Variants in PLXNB3 observed in about 807,000 individuals in gnomAD.
PLXNB3 encodes the protein plexin-B3.
A neutral mutation model predicts 125.7 loss-of-function variants in PLXNB3; 80 were observed. The observed-to-expected ratio is 0.64, with a 90% CI of 0.53 to 0.77. PLXNB3 has a LOEUF of 0.77. Ranked by LOEUF, PLXNB3 falls within the 30% of genes least tolerant of loss-of-function variation. PLXNB3 has a pLI of 0.00. For synonymous variants in PLXNB3, 954 were observed against 783.3 expected (o/e 1.22, Z -3.64); for missense variants, 1,836 against 1,729.3 (o/e 1.06, Z -1.09).
In PLXNB3 at chrX:153,769,076, G is replaced by C; in HGVS notation, c.1395G>C (p.Gln465His). Residue 465 changes from glutamine (Q) to histidine (H), a missense_variant and splice_region_variant, in exon 5 of 36, where the codon CAG (glutamine) becomes CAC (histidine). Gln to His is a conservative substitution (Grantham distance 24, BLOSUM62 0). Transcript: ENST00000361971. The part of the protein sequence containing the change: ...GSHLYVLTAH[Q>H]VDRIPVAACP... ...ACCTCTATGTCCTGACTGCCCACCA[G>C]GTGAGGGCCATCCTGGGGCTGAAGG... The C allele has an allele frequency of 8.3e-7, 1 of 1,208,679 alleles. No individual in the cohort carries two copies. Among genetic ancestry groups the C allele is most frequent in the Non-Finnish European group, 1.1e-6 (1 of 893,293 alleles).
At chrX:153,777,832 G>A in intron 31 of PLXNB3, 116 bp from the exon 32 acceptor site, 1 of 1,085,564 alleles carries the variant, frequency 9.2e-7, no homozygotes, top group Non-Finnish European at 1.2e-6. Flanking sequence ...TAGGCCACCA[G>A]GCCAGCTTCC....
rs2092010974 is a variant in PLXNB3 at position 153,777,554 on chromosome X, C to T, written c.5127C>T (p.Asp1709=). Reference sequence around the variant, plus strand: ...GCACGCTGCAGAAGTTTGTGGACGACACCTTCCAGGCCATTCTCAGCGTGA... The same window carrying T: ...GCACGCTGCAGAAGTTTGTGGACGATACCTTCCAGGCCATTCTCAGCGTGA... ...MKGTLQKFVD[D]TFQAILSVNR... The change falls in exon 31 of 36, where the codon GAC becomes GAT. Residue 1709 remains aspartate (D), a synonymous_variant. Coordinates refer to ENST00000361971, the MANE Select transcript of PLXNB3 (RefSeq NM_005393.3). 5.8e-6 allele frequency: 7 copies of T among 1,211,973 alleles called. No individual in the cohort carries two copies. The highest frequency in any genetic ancestry group is 2.3e-4 in the Middle Eastern group (1 of 4,350).
Position 153,772,935 on chromosome X carries a change from G to T in PLXNB3, c.2825G>T (p.Gly942Val), listed in dbSNP as rs2091949106. 1.7e-6 allele frequency: 2 copies of T among 1,185,461 alleles called. No individual in the cohort carries two copies. Among genetic ancestry groups the T allele is most frequent in the East Asian group, 6.1e-5 (2 of 32,881 alleles). The change falls in exon 17 of 36, where the codon GGC becomes GTC. Residue 942 changes from glycine to valine, a missense_variant. Coordinates refer to ENST00000361971, the MANE Select transcript of PLXNB3 (RefSeq NM_005393.3). Reference protein sequence around the residue: ...LSPRWGPQAGGTQLTIRGQHL... With the variant: ...LSPRWGPQAGVTQLTIRGQHL... ...CCTCGCTGGGGCCCCCAGGCAGGGGGCACCCAGCTCACCATCCGAGGTCAG... is the reference window on the plus strand; with the variant it reads ...CCTCGCTGGGGCCCCCAGGCAGGGGTCACCCAGCTCACCATCCGAGGTCAG...
chrX:153,773,743 T>C (rs994808758), intron 19 of PLXNB3, 30 bp downstream of exon 19: 2 of 1,172,054 alleles, frequency 1.7e-6, no homozygotes, highest in Non-Finnish European at 2.3e-6. Context: ...GCGACAAGGC[T>C]GTCCCCGACC....
In PLXNB3 at chrX:153,777,234, GA is replaced by G. The variant is rs781928129; in HGVS notation, c.4955del (p.Glu1652GlyfsTer10). On this transcript the variant is annotated frameshift_variant, in exon 30 of 36. Coordinates refer to ENST00000361971, the MANE Select transcript of PLXNB3 (RefSeq NM_005393.3). LOFTEE classifies it high-confidence loss of function. The part of the protein sequence containing the change: ...ENIPTLEDGE[E>X]GGVCLWHLVK... ...CATACCCACGCTGGAGGATGGCGAG[GA>G]GGGGGGGGTGTGCCTCTGGCACCTG... 11 of 1,169,009 alleles carry G rather than the reference GA, an allele frequency of 9.4e-6. No individual in the cohort carries two copies. Among genetic ancestry groups the G allele is most frequent in the Non-Finnish European group, 1.0e-5 (9 of 872,435 alleles).
At chrX:153,764,746 G>T (rs1557058647) in intron 1 of PLXNB3, among the ~76,000 whole-genome samples, 2 of 112,638 alleles carry the variant, frequency 1.8e-5, no homozygotes, top group African/African-American at 6.4e-5. Flanking sequence ...GGGTGACAGG[G>T]GGTCTAGCTG....
chrX:153,770,510 G>C lies in PLXNB3; in HGVS notation c.1896-18G>C, dbSNP rs1400250017. 2 of 1,205,554 alleles carry C rather than the reference G, an allele frequency of 1.7e-6. No individual in the cohort carries two copies. Among genetic ancestry groups the C allele is most frequent in the Admixed American group, 2.2e-5 (1 of 45,757 alleles). ...ACCCCAGAGGGCACTCAGTTGAGCA[G>C]CCACCCTGCCCCTCTAGGTGTCGCG... On this transcript the variant is annotated intron_variant, in intron 9 of 35. Coordinates refer to ENST00000361971, the MANE Select transcript of PLXNB3 (RefSeq NM_005393.3).
rs782525129 is a variant in PLXNB3 at position 153,769,794 on chromosome X, C to T, written c.1497-13C>T. 1 of 1,201,030 alleles carries T rather than the reference C, an allele frequency of 8.3e-7. No individual in the cohort carries two copies. The highest frequency in any genetic ancestry group is 1.1e-6 in the Non-Finnish European group (1 of 891,180). ...GGACCCCCACGGTGACCTGATGGAC[C>T]CCTGCCTGGCAGGTGTACCCGGAAG... is the stretch of plus-strand genomic sequence containing the variant. On this transcript the variant is annotated splice_polypyrimidine_tract_variant and intron_variant, in intron 6 of 35. Transcript: ENST00000361971.
At chrX:153,778,719 G>T (rs1557065466) in intron 35 of PLXNB3, 45 bp downstream of exon 35, 5 of 1,152,086 alleles carry the variant, frequency 4.3e-6, no homozygotes, top group Non-Finnish European at 5.9e-6. Flanking sequence ...TGGAGCGGGA[G>T]GCCCGTGGAC....
At position 153,765,357 on chromosome X, in the gene PLXNB3, G is replaced by C. The variant is rs961743043; in HGVS notation, c.-65-114G>C. ...TGGCCTGGCCACTATTGACAAAGCT[G>C]CCAGCTGTGAGGGAGCCCGGTCGCT... On this transcript the variant is annotated intron_variant, in intron 1 of 35. Coordinates refer to ENST00000361971, the MANE Select transcript of PLXNB3 (RefSeq NM_005393.3). The C allele has an allele frequency of 1.3e-5, 7 of 530,249 alleles. No individual in the cohort carries two copies. In the Admixed American group the frequency reaches 1.3e-4, roughly 10 times the overall value. 43.7% of individuals were successfully genotyped at this position (530,249 alleles called of 1,213,427 possible). A position where few individuals can be genotyped will look rare whatever the true frequency, so the allele number is the denominator to read the frequency against.
Position 153,776,050 on chromosome X carries a change from T to C in PLXNB3, c.4565T>C (p.Val1522Ala). The C allele has an allele frequency of 2.5e-6, 3 of 1,201,267 alleles. No homozygotes were observed. In the South Asian group the frequency reaches 5.4e-5, roughly 22 times the overall value. ...EFQPLTLMVL[V>A]GPGAGGAAGS... ...CAGCCCCTGACGCTGATGGTGCTGG[T>C]GGGGCCCGGGGCTGGCGGGGCCGCA... Residue 1522 changes from valine (V) to alanine (A), a missense_variant, in exon 27 of 36, where the codon GTG (valine) becomes GCG (alanine). Val to Ala is a moderately conservative substitution (Grantham distance 64). Transcript: ENST00000361971.
chrX:153,766,731 C>A (rs1270546124), intron 2 of PLXNB3, 142 bp from the exon 3 acceptor site: 4 of 1,062,629 alleles, frequency 3.8e-6, no homozygotes, highest in African/African-American at 1.9e-5. Flanking sequence ...TGTCTCCGCT[C>A]ACTCTCTCTC....
At position 153,776,386 on chromosome X, in the gene PLXNB3, C is replaced by T. The variant is rs782257618; in HGVS notation, c.4760C>T (p.Thr1587Ile). ...CGCTCAGGCCTGGCTGGTCACCTGACCCTATCGGACGAAGACTTGACCTCC... is the reference window on the plus strand; with the variant it reads ...CGCTCAGGCCTGGCTGGTCACCTGATCCTATCGGACGAAGACTTGACCTCC... Reference protein sequence around the residue: ...EWRSGLAGHLTLSDEDLTSVT... With the variant: ...EWRSGLAGHLILSDEDLTSVT... Residue 1587 changes from threonine (T) to isoleucine (I), a missense_variant, in exon 28 of 36, where the codon ACC becomes ATC. Transcript: ENST00000361971. 5.0e-6 allele frequency: 6 copies of T among 1,189,556 alleles called. No homozygotes were observed. Among genetic ancestry groups the T allele is most frequent in the Non-Finnish European group, 6.8e-6 (6 of 885,639 alleles).
rs1557060171 is a variant in PLXNB3, at chrX:153,768,386, CAT to C, written c.1225_1226del (p.Met409AspfsTer70). On this transcript the variant is annotated frameshift_variant, in exon 4 of 36. Coordinates refer to ENST00000361971, the MANE Select transcript of PLXNB3 (RefSeq NM_005393.3). LOFTEE classifies it high-confidence loss of function. ...AVAALQADGH[M>X]IAFLGDTQGQ... ...TGGCAGCTCTCCAGGCAGATGGGCA[CAT>C]GATAGCCTTCCTGGGGGACACCCAG... 2 of 1,208,255 alleles carry C rather than the reference CAT, an allele frequency of 1.7e-6. No individual in the cohort carries two copies. The highest frequency in any genetic ancestry group is 3.0e-5 in the East Asian group (1 of 33,730).
In PLXNB3 at chrX:153,774,241, G is replaced by A. The variant is rs782623122; in HGVS notation, c.3575G>A (p.Arg1192His). The A allele has an allele frequency of 2.8e-5, 33 of 1,195,487 alleles. No homozygotes were observed. Among genetic ancestry groups the A allele is most frequent in the Middle Eastern group, 2.3e-4 (1 of 4,356 alleles). Residue 1192 changes from arginine to histidine, a missense_variant, in exon 21 of 36, where the codon CGC (arginine) becomes CAC (histidine). Arg to His is a conservative substitution (Grantham distance 29). Coordinates refer to ENST00000361971, the MANE Select transcript of PLXNB3 (RefSeq NM_005393.3). ...GAGGAGGTGCGCGTGCACATCGGCCGCGGCGAGTGCCTGGTGAAGACGCTC... is the reference window on the plus strand; with the variant it reads ...GAGGAGGTGCGCGTGCACATCGGCCACGGCGAGTGCCTGGTGAAGACGCTC... The part of the protein sequence containing the change: ...SKEEVRVHIG[R>H]GECLVKTLTR...
rs2092011916 is a variant in PLXNB3 at position 153,777,645 on chromosome X, G to A, written c.5218G>A (p.Gly1740Ser). 10 of 1,211,819 alleles carry A rather than the reference G, an allele frequency of 8.3e-6. No homozygotes were observed. The highest frequency in any genetic ancestry group is 8.9e-6 in the Non-Finnish European group (8 of 895,379). Reference sequence around the variant, plus strand: ...TCTGGATGAGCTAGCAGAGAAGCACGGCATCGAGGACCCAGGGACCCTGCA... The same window carrying A: ...TCTGGATGAGCTAGCAGAGAAGCACAGCATCGAGGACCCAGGGACCCTGCA... Reference protein sequence around the residue: ...DLLDELAEKHGIEDPGTLHIW... With the variant: ...DLLDELAEKHSIEDPGTLHIW... The change falls in exon 31 of 36, where the codon GGC (glycine) becomes AGC (serine). Residue 1740 changes from glycine to serine, a missense_variant. Coordinates refer to ENST00000361971, the MANE Select transcript of PLXNB3 (RefSeq NM_005393.3).
rs1557065075 is a variant in PLXNB3, at chrX:153,777,958, C to T, written c.5272C>T (p.Arg1758Trp). 2 of 1,207,426 alleles carry T rather than the reference C, an allele frequency of 1.7e-6. No homozygotes were observed. Among genetic ancestry groups the T allele is most frequent in the South Asian group, 1.8e-5 (1 of 56,362 alleles). ...HIWKTNSLLL[R>W]FWVNALKNPQ... ...GCCCTGCGCCCCCAGTCTGCTGCTG[C>T]GGTTCTGGGTGAATGCCTTGAAGAA... Residue 1758 changes from arginine (R) to tryptophan (W), a missense_variant, in exon 32 of 36, where the codon CGG becomes TGG. Physicochemically the swap from Arg to Trp is moderately radical, Grantham distance 101. Transcript: ENST00000361971.
Position 153,776,493 on chromosome X carries a change from C to A in PLXNB3, c.4833+34C>A, listed in dbSNP as rs782051645. Reference sequence around the variant, plus strand: ...AGGGACGGGGCGAGGCAGGGCGGGGCTGGGGCGGGGCAGGGCGAGGCAGGG... The same window carrying A: ...AGGGACGGGGCGAGGCAGGGCGGGGATGGGGCGGGGCAGGGCGAGGCAGGG... On this transcript the variant is annotated intron_variant, in intron 28 of 35. Coordinates refer to ENST00000361971, the MANE Select transcript of PLXNB3 (RefSeq NM_005393.3). 2,003 of 276,482 alleles carry A rather than the reference C, an allele frequency of 7.2e-3. 32 individuals carry two copies. Among genetic ancestry groups the A allele is most frequent in the South Asian group, 0.063 (1,926 of 30,793 alleles). 22.8% of individuals were successfully genotyped at this position (276,482 alleles called of 1,213,427 possible).
intron 16 of PLXNB3, 85 bp from the exon 17 acceptor site, chrX:153,772,801 G>A: frequency 9.6e-7 from 1 of 1,043,871 alleles, no homozygotes; most frequent in Non-Finnish European, 1.2e-6. Flanking sequence ...CTGCGCTTCA[G>A]AACCGGAGGG....
Sources: gnomAD v4.1 joint callset for allele counts (sites outside exome capture counted in the v4.1 genomes callset) on GRCh38, gnomAD v4.1.1 for gene constraint, MANE v1.5 for transcripts, NCBI Gene and HGNC (gene_info 2026-07-23, HGNC 2026-07-21) for gene names.